The following PGAP1 variants were observed in gnomAD, a reference collection of about 807,000 sequenced individuals.
The protein encoded by PGAP1 is post-GPI attachment to proteins inositol deacylase 1.
In PGAP1, 76 loss-of-function variants were observed where a neutral mutation model predicts 127.0. That is an observed-to-expected ratio of 0.60 (90% confidence interval 0.50 to 0.72). The LOEUF (loss-of-function observed/expected upper bound fraction) is 0.72. Ranked by LOEUF, PGAP1 falls within the 30% of genes least tolerant of loss-of-function variation. The pLI, the probability that PGAP1 is intolerant of heterozygous loss-of-function variation, is 0.00. For missense variants in PGAP1, 982 were observed against 1,071.3 expected (o/e 0.92, Z 1.16); for synonymous variants, 362 against 366.5 (o/e 0.99, Z 0.14).
rs79468090 is a variant in PGAP1 at position 196,835,759 on chromosome 2, T to A, written c.*5475A>T. On this transcript the variant is annotated 3_prime_UTR_variant, in exon 27 of 27. Transcript: ENST00000354764. ...TATTTTGCTAACCGTATGGATACAG[T>A]CACATAGTTTCCAATGCACAGCTTT... 18 of 152,554 alleles carry A rather than the reference T, an allele frequency of 1.2e-4. No homozygotes were observed. Among genetic ancestry groups the A allele is most frequent in the African/African-American group, 4.3e-4 (18 of 41,572 alleles). 9.5% of individuals were successfully genotyped at this position (152,554 alleles called of 1,614,324 possible). A position where few individuals can be genotyped will look rare whatever the true frequency, so the allele number is the denominator to read the frequency against.
At chr2:196,883,540 G>C (rs1334841391) in intron 12 of PGAP1, among the ~76,000 whole-genome samples, 1 of 152,134 alleles carries the variant, frequency 6.6e-6, no homozygotes, top group East Asian at 1.9e-4. Context: ...ACATTAATTA[G>C]GAAGAACTTG....
At chr2:196,855,168 C>CA in intron 20 of PGAP1, among the ~76,000 whole-genome samples, 1 of 150,884 alleles carries the variant, frequency 6.6e-6, no homozygotes, top group African/African-American at 2.4e-5. Flanking sequence ...TACTAAAATA[C>CA]AAAAAAAATT....
At chr2:196,852,010 C>G (rs1353587659) in intron 20 of PGAP1, among the ~76,000 whole-genome samples, 3 of 151,958 alleles carry the variant, frequency 2.0e-5, no homozygotes, top group Non-Finnish European at 4.4e-5. Flanking sequence ...GCTACTTTAC[C>G]CCAAATTTTG....
At chr2:196,904,305 G>A (rs557620318) in intron 4 of PGAP1, among the ~76,000 whole-genome samples, 3 of 152,200 alleles carry the variant, frequency 2.0e-5, no homozygotes, top group East Asian at 3.9e-4. Context: ...GCACATGCAA[G>A]CTCTGTCTGT....
rs1331330284 is a variant in PGAP1, at chr2:196,841,050, A to G, written c.*184T>C. 8 of 690,300 alleles carry G rather than the reference A, an allele frequency of 1.2e-5. No individual in the cohort carries two copies. The highest frequency in any genetic ancestry group is 9.8e-5 in the Admixed American group (3 of 30,530). 42.8% of individuals were successfully genotyped at this position (690,300 alleles called of 1,614,324 possible). Reference sequence around the variant, plus strand: ...ATTACTACATGGATTCCACACCACAAAACAAAACCATGCTTCAACTACTTC... The same window carrying G: ...ATTACTACATGGATTCCACACCACAGAACAAAACCATGCTTCAACTACTTC... On this transcript the variant is annotated 3_prime_UTR_variant, in exon 27 of 27. Coordinates refer to ENST00000354764, the MANE Select transcript of PGAP1 (RefSeq NM_024989.4).
intron 19 of PGAP1, among the ~76,000 whole-genome samples, chr2:196,865,548 T>C (rs1701212431): frequency 6.6e-6 from 1 of 152,140 alleles, no homozygotes; most frequent in South Asian, 2.1e-4. Flanking sequence ...TATCAGTAAA[T>C]GGGGACAATA....
At position 196,905,760 on chromosome 2, in the gene PGAP1, G is replaced by A. The variant is rs1022282157; in HGVS notation, c.650-3018C>T. Among the ~76,000 whole-genome samples the A allele has an allele frequency of 7.5e-5, 11 of 146,124 alleles. 1 individual carries two copies. The highest frequency in any genetic ancestry group is 2.0e-4 in the East Asian group (1 of 4,934). ...TGTGTGCGCGCACCGTGCGCGAGCC[G>A]AAGCAGGGCGAGGCATTGCCTCACC... On this transcript the variant is annotated intron_variant, in intron 4 of 26. Transcript: ENST00000354764.
chr2:196,892,287 T>C lies in PGAP1; in HGVS notation c.1089+59A>G. 3 of 785,944 alleles carry C rather than the reference T, an allele frequency of 3.8e-6. No individual in the cohort carries two copies. In the South Asian group the frequency reaches 5.3e-5, roughly 14 times the overall value. The allele number at this position is 785,944 out of a possible 1,614,324, so 48.7% of individuals were successfully genotyped here. Reference sequence around the variant, plus strand: ...TTAAAGAGTCTTTAACTTTTAAAGATAAATACTAAATTATTTCTGGAAAAA... The same window carrying C: ...TTAAAGAGTCTTTAACTTTTAAAGACAAATACTAAATTATTTCTGGAAAAA... On this transcript the variant is annotated intron_variant, in intron 9 of 26. Transcript: ENST00000354764.
chr2:196,906,656 C>T (rs1313529527), intron 4 of PGAP1, among the ~76,000 whole-genome samples: 1 of 47,326 alleles, frequency 2.1e-5, no homozygotes, highest in Non-Finnish European at 4.4e-5. Flanking sequence ...TTACTCTGAG[C>T]TACGGGAGGA....
At chr2:196,915,068 T>C (rs1702961073) in intron 3 of PGAP1, among the ~76,000 whole-genome samples, 1 of 152,228 alleles carries the variant, frequency 6.6e-6, no homozygotes, top group Non-Finnish European at 1.5e-5. Context: ...TTATTTGACC[T>C]ATCAGTAACA....
chr2:196,916,743 G>A, intron 2 of PGAP1, 150 bp from the exon 3 acceptor site: 2 of 675,840 alleles, frequency 3.0e-6, no homozygotes, highest in South Asian at 3.1e-5. Flanking sequence ...CACCAATTTA[G>A]AACAAACTAA....
intron 22 of PGAP1, among the ~76,000 whole-genome samples, chr2:196,846,331 G>A (rs1345889332): frequency 6.6e-6 from 1 of 152,104 alleles, no homozygotes; most frequent in African/African-American, 2.4e-5. Flanking sequence ...CTTGACAGGA[G>A]GAGAAACTAT....
intron 7 of PGAP1, among the ~76,000 whole-genome samples, chr2:196,895,138 T>C (rs951102500): frequency 3.9e-5 from 6 of 152,198 alleles, no homozygotes; most frequent in Non-Finnish European, 5.9e-5. Context: ...ATAAACAGTA[T>C]TTTTGATTCT....
At chr2:196,857,216 A>G (rs1700914421) in intron 20 of PGAP1, among the ~76,000 whole-genome samples, 1 of 152,250 alleles carries the variant, frequency 6.6e-6, no homozygotes, top group Admixed American at 6.5e-5. Flanking sequence ...TATAAAATCA[A>G]TGTACGAAAA....
In PGAP1 at chr2:196,890,833, T is replaced by G. The variant is rs750972842; in HGVS notation, c.1168A>C (p.Met390Leu). ...AAATGTACCAATTATCTTACCAGCA[T>G]AGTGCTCTGACAATAGACATGAGTG... ...IYTHVYCQST[M>L]LDTNSWIFAC... The change falls in exon 10 of 27, where the codon ATG (methionine) becomes CTG (leucine). Residue 390 changes from methionine to leucine, a missense_variant. By Grantham distance (15) the Met-to-Leu change is conservative. Transcript: ENST00000354764. The G allele has an allele frequency of 6.5e-7, 1 of 1,527,630 alleles. No individual in the cohort carries two copies. The highest frequency in any genetic ancestry group is 9.1e-7 in the Non-Finnish European group (1 of 1,102,862). The allele number at this position is 1,527,630 out of a possible 1,614,324, so 94.6% of individuals were successfully genotyped here.
chr2:196,839,181 G>A lies in PGAP1; in HGVS notation c.*2053C>T, dbSNP rs1700332108. 1 of 152,598 alleles carries A rather than the reference G, an allele frequency of 6.6e-6. No homozygotes were observed. Among genetic ancestry groups the A allele is most frequent in the African/African-American group, 2.4e-5 (1 of 41,424 alleles). 9.5% of individuals were successfully genotyped at this position (152,598 alleles called of 1,614,324 possible). On this transcript the variant is annotated 3_prime_UTR_variant, in exon 27 of 27. Transcript: ENST00000354764. Reference sequence around the variant, plus strand: ...AACATAATATTTATGGCTATCAATAGAAGATCCAAATTAATGAATTTTCTA... The same window carrying A: ...AACATAATATTTATGGCTATCAATAAAAGATCCAAATTAATGAATTTTCTA...
chr2:196,876,781 T>G (rs886779918), intron 13 of PGAP1, among the ~76,000 whole-genome samples: 1 of 152,082 alleles, frequency 6.6e-6, no homozygotes, highest in African/African-American at 2.4e-5. Flanking sequence ...AGATTTTTGA[T>G]TGTTTTCAAA....
In PGAP1 at chr2:196,874,244, G is replaced by T. The variant is rs144150647; in HGVS notation, c.1427-486C>A. On this transcript the variant is annotated intron_variant, in intron 14 of 26. Coordinates refer to ENST00000354764, the MANE Select transcript of PGAP1 (RefSeq NM_024989.4). The stretch of plus-strand genomic sequence containing the variant: ...CATAAAAAAGTTCCCAATATTCAAA[G>T]CTAGAATAACTTAAGCAAAAATATA... Among the ~76,000 whole-genome samples, 164 of 152,080 alleles carry T rather than the reference G, an allele frequency of 1.1e-3. No individual in the cohort carries two copies. In the East Asian group the frequency reaches 0.019, roughly 18 times the overall value.
chr2:196,890,737 T>C (rs1702068441), intron 10 of PGAP1, 91 bp downstream of exon 10: 1 of 694,142 alleles, frequency 1.4e-6, no homozygotes, highest in East Asian at 2.5e-5. Flanking sequence ...GATTTAATAG[T>C]AATATTTCAT....
Sources: allele counts gnomAD v4.1 joint callset (sites outside exome capture counted in the v4.1 genomes callset), GRCh38; gene constraint gnomAD v4.1.1; transcripts MANE v1.5; gene names NCBI Gene and HGNC (gene_info 2026-07-23, HGNC 2026-07-21).